The following HPSE2 variants were observed in gnomAD, a reference collection of about 807,000 sequenced individuals.
HPSE2 encodes the protein inactive heparanase-2.
HPSE2 carries 38 observed loss-of-function variants against 60.5 expected under a neutral mutation model. That is an observed-to-expected ratio of 0.63 (90% CI 0.48 to 0.82). The LOEUF is 0.82. Ranked by LOEUF, HPSE2 falls within the 40% of genes least tolerant of loss-of-function variation. The pLI is 0.00. For synonymous variants in HPSE2, 295 were observed against 293.2 expected, an observed-to-expected ratio of 1.01 and a Z score of -0.06; for missense variants, 713 against 740.4, an observed-to-expected ratio of 0.96 and a Z score of 0.43.
chr10:99,186,155 A>C (rs990624718), intron 2 of HPSE2, among the ~76,000 whole-genome samples: 8 of 46,068 alleles, frequency 1.7e-4, no homozygotes, highest in East Asian at 1.2e-3. Flanking sequence ...CACACACACA[A>C]GGCATATCAT....
chr10:99,020,958 G>A (rs11189937), intron 3 of HPSE2, among the ~76,000 whole-genome samples: 11,542 of 152,246 alleles, frequency 0.076, 622 homozygotes, highest in South Asian at 0.19. Context: ...TATTGGTTAC[G>A]AGAGTAGAGA....
chr10:98,489,982 A>G (rs1591260284), intron 10 of HPSE2, 69 bp downstream of exon 10: 2 of 1,583,478 alleles, frequency 1.3e-6, no homozygotes, highest in East Asian at 4.5e-5. Context: ...ATGAGTCTTG[A>G]AGGGGTCCCA....
In HPSE2 at chr10:99,126,974, A is replaced by G. The variant is rs891083002; in HGVS notation, c.610+17264T>C. Among the ~76,000 whole-genome samples, 9 of 152,136 alleles carry G rather than the reference A, an allele frequency of 5.9e-5. No individual in the cohort carries two copies. Among genetic ancestry groups the G allele is most frequent in the African/African-American group, 1.9e-4 (8 of 41,430 alleles). ...GAGCACCACATGAAGGGATCACACC[A>G]TGGGACAAAAGAAACTGAACAGCAG... On this transcript the variant is annotated intron_variant, in intron 3 of 11. Coordinates refer to ENST00000370552, the MANE Select transcript of HPSE2 (RefSeq NM_021828.5). The surrounding 1 kb of genome is among the most constrained non-coding windows in gnomAD (Gnocchi z 4.0).
At chr10:98,714,368 C>G (rs1448213458) in intron 5 of HPSE2, among the ~76,000 whole-genome samples, 1 of 151,856 alleles carries the variant, frequency 6.6e-6, no homozygotes, top group East Asian at 1.9e-4. Flanking sequence ...CTCTTCATTT[C>G]CCCAAAATCT....
chr10:98,682,807 T>C (rs1947819372), intron 6 of HPSE2, among the ~76,000 whole-genome samples: 2 of 151,724 alleles, frequency 1.3e-5, no homozygotes, highest in South Asian at 4.2e-4. Context: ...TTTTAAAGAG[T>C]GAAAAGGGTC....
chr10:99,025,260 A>T (rs951374693), intron 3 of HPSE2, among the ~76,000 whole-genome samples: 1 of 152,166 alleles, frequency 6.6e-6, no homozygotes, highest in Non-Finnish European at 1.5e-5. Context: ...AGGAATGTTA[A>T]TTAGGTCAAC....
chr10:98,648,516 A>C (rs1946834568), intron 6 of HPSE2, among the ~76,000 whole-genome samples: 1 of 152,174 alleles, frequency 6.6e-6, no homozygotes, highest in African/African-American at 2.4e-5. Context: ...ACAGTGGCTC[A>C]TGCCTGTGGT....
intron 3 of HPSE2, among the ~76,000 whole-genome samples, chr10:98,892,568 C>T (rs976590305): frequency 6.6e-6 from 1 of 152,174 alleles, no homozygotes; most frequent in East Asian, 1.9e-4. Context: ...GCAGAACTCT[C>T]TATTATCCTT....
At chr10:98,704,430 A>C (rs1273501672) in intron 5 of HPSE2, among the ~76,000 whole-genome samples, 7 of 151,886 alleles carry the variant, frequency 4.6e-5, no homozygotes, top group African/African-American at 1.2e-4. Context: ...ATGGAACAAA[A>C]AAAAAAAAGC....
chr10:98,777,468 A>T (rs1173523616), intron 3 of HPSE2, among the ~76,000 whole-genome samples: 2 of 152,198 alleles, frequency 1.3e-5, no homozygotes, highest in African/African-American at 4.8e-5. Context: ...CCAAGGCAAA[A>T]CCAAATTGAA....
chr10:98,892,509 G>T (rs1396460999), intron 3 of HPSE2, among the ~76,000 whole-genome samples: 1 of 152,128 alleles, frequency 6.6e-6, no homozygotes, highest in Admixed American at 6.6e-5. Context: ...ATCCAGAAAT[G>T]AACAAATGTA....
chr10:98,669,124 A>T (rs1412060667), intron 6 of HPSE2, among the ~76,000 whole-genome samples: 2 of 68,198 alleles, frequency 2.9e-5, no homozygotes, highest in Admixed American at 1.8e-4. Context: ...GCTCACAAAC[A>T]TATTAAAAAA....
intron 3 of HPSE2, among the ~76,000 whole-genome samples, chr10:98,774,156 A>G (rs772930301): frequency 6.6e-6 from 1 of 152,188 alleles, no homozygotes; most frequent in East Asian, 1.9e-4. Context: ...CTGTAAATAC[A>G]TATATACATT....
At chr10:98,546,868 A>C (rs1315787633) in intron 9 of HPSE2, among the ~76,000 whole-genome samples, 1 of 150,138 alleles carries the variant, frequency 6.7e-6, no homozygotes, top group Non-Finnish European at 1.5e-5. Context: ...TGAACAGCCA[A>C]CCTACAGAAT....
intron 4 of HPSE2, among the ~76,000 whole-genome samples, chr10:98,734,888 T>TACACACACACACACAC (rs140139802): frequency 6.7e-6 from 1 of 148,228 alleles, no homozygotes; most frequent in Non-Finnish European, 1.5e-5. Context: ...ATTTGTCCCT[T>TACACACACACACACAC]ACACACACAC....
chr10:99,241,333 A>G, the HPSE2 span, among the ~76,000 whole-genome samples: 1 of 152,248 alleles, frequency 6.6e-6, no homozygotes, highest in East Asian at 1.9e-4. Flanking sequence ...TACCAGATCT[A>G]GTCTTGTAAA....
chr10:98,874,517 T>C (rs574425450), intron 3 of HPSE2, among the ~76,000 whole-genome samples: 55 of 152,180 alleles, frequency 3.6e-4, no homozygotes, highest in Non-Finnish European at 6.6e-4. Context: ...TGGGCTGAGA[T>C]GACGGGGTTT....
rs1021993006 is a variant in HPSE2 at position 98,901,912 on chromosome 10, C to T, written c.611-157856G>A. Among the ~76,000 whole-genome samples, 11 of 152,268 alleles carry T rather than the reference C, an allele frequency of 7.2e-5. No homozygotes were observed. In the East Asian group the frequency reaches 2.1e-3, roughly 29 times the overall value. On this transcript the variant is annotated intron_variant, in intron 3 of 11. Coordinates refer to ENST00000370552, the MANE Select transcript of HPSE2 (RefSeq NM_021828.5). ...CATAACGCCTGGCATATGGCACATGCTCAATTATAATTACCAGCTCTCCTT... is the reference window on the plus strand; with the variant it reads ...CATAACGCCTGGCATATGGCACATGTTCAATTATAATTACCAGCTCTCCTT...
chr10:98,828,202 C>T (rs568798917), intron 3 of HPSE2, among the ~76,000 whole-genome samples: 66 of 152,254 alleles, frequency 4.3e-4, no homozygotes, highest in African/African-American at 1.5e-3. Flanking sequence ...TCTGTAGAAC[C>T]GTAACTAATA....
Sources: allele counts gnomAD v4.1 joint callset (sites outside exome capture counted in the v4.1 genomes callset), GRCh38; gene constraint gnomAD v4.1.1; non-coding constraint Gnocchi (gnomAD v3.1); transcripts MANE v1.5; gene names NCBI Gene and HGNC (gene_info 2026-07-23, HGNC 2026-07-21).